Variants in NELL1 observed in about 807,000 individuals in gnomAD.
NELL1 encodes the protein protein kinase C-binding protein NELL1.
A neutral mutation model predicts 107.4 loss-of-function variants in NELL1; 76 were observed. The ratio of observed to expected loss-of-function variants is 0.71; its 90% CI spans 0.59 to 0.86. NELL1 has a LOEUF of 0.86. NELL1 is among the 40% of genes least tolerant of loss of function. The pLI, the probability that NELL1 is intolerant of heterozygous loss-of-function variation, is 0.00. For synonymous variants in NELL1, 353 were observed against 341.2 expected, an observed-to-expected ratio of 1.03 and a Z score of -0.38; for missense variants, 1,024 against 1,005.5, an observed-to-expected ratio of 1.02 and a Z score of -0.25.
intron 11 of NELL1, among the ~76,000 whole-genome samples, chr11:20,958,909 G>C (rs1041426541): frequency 4.6e-5 from 7 of 152,122 alleles, no homozygotes; most frequent in Admixed American, 2.6e-4. Context: ...TTGTGGGTTC[G>C]GTTCCAGACT....
chr11:20,735,447 G>A (rs575576897), intron 2 of NELL1, among the ~76,000 whole-genome samples: 4 of 152,168 alleles, frequency 2.6e-5, no homozygotes, highest in Admixed American at 1.3e-4. Flanking sequence ...AGGGGAAAAA[G>A]CCCCTTATAA....
chr11:20,921,798 GTT>G (rs754194719), intron 7 of NELL1, among the ~76,000 whole-genome samples: 34 of 145,562 alleles, frequency 2.3e-4, no homozygotes, highest in African/African-American at 8.6e-4. Context: ...TATTGTGTGT[GTT>G]TTTTTTTTTT....
intron 2 of NELL1, among the ~76,000 whole-genome samples, chr11:20,779,502 C>G (rs893243980): frequency 3.0e-4 from 45 of 152,134 alleles, no homozygotes; most frequent in Admixed American, 2.9e-3. Context: ...TTAAGTAATA[C>G]AGCAAATACA....
At chr11:21,534,159 C>T (rs1020318688) in intron 15 of NELL1, among the ~76,000 whole-genome samples, 3 of 152,160 alleles carry the variant, frequency 2.0e-5, no homozygotes, top group Admixed American at 6.5e-5. Flanking sequence ...AGCTCTCATT[C>T]ATTGTTCAAT....
intron 13 of NELL1, among the ~76,000 whole-genome samples, chr11:21,180,862 T>C (rs910156347): frequency 8.7e-5 from 13 of 148,760 alleles, no homozygotes; most frequent in Non-Finnish European, 1.5e-4. Context: ...TTCCTTAATA[T>C]CTTGTTTCAA....
intron 15 of NELL1, among the ~76,000 whole-genome samples, chr11:21,488,041 T>C (rs1454279361): frequency 6.6e-6 from 1 of 152,070 alleles, no homozygotes; most frequent in Admixed American, 6.5e-5. Context: ...AAGCAAATAT[T>C]ACTAGATCTA....
At chr11:21,226,027 C>T (rs897936039) in intron 13 of NELL1, among the ~76,000 whole-genome samples, 3 of 152,188 alleles carry the variant, frequency 2.0e-5, no homozygotes, top group Admixed American at 6.5e-5. Flanking sequence ...CTCTTAACCT[C>T]TATGCCAGTC....
chr11:21,053,157 C>T (rs748952054), intron 12 of NELL1, among the ~76,000 whole-genome samples: 5 of 151,964 alleles, frequency 3.3e-5, no homozygotes, highest in Non-Finnish European at 5.9e-5. Context: ...TTCTGGGATA[C>T]GTGTACAGAA....
chr11:21,570,971 C>T (rs750375822), intron 18 of NELL1, 31 bp downstream of exon 18: 1 of 1,591,784 alleles, frequency 6.3e-7, no homozygotes, highest in African/African-American at 1.3e-5. Flanking sequence ...AGGTGTTGAG[C>T]CTTTACTCTG....
At chr11:20,704,515 A>G (rs1764392040) in intron 2 of NELL1, among the ~76,000 whole-genome samples, 1 of 152,160 alleles carries the variant, frequency 6.6e-6, no homozygotes, top group South Asian at 2.1e-4. Flanking sequence ...TTTAAGGTCA[A>G]TATTAGTATG....
At chr11:21,243,564 T>G (rs1227753057) in intron 14 of NELL1, among the ~76,000 whole-genome samples, 1 of 152,138 alleles carries the variant, frequency 6.6e-6, no homozygotes, top group African/African-American at 2.4e-5. Context: ...TCGCTGTATC[T>G]TTACCAAAAC....
chr11:21,396,563 TAC>T (rs1486747690), intron 15 of NELL1, among the ~76,000 whole-genome samples: 4 of 151,600 alleles, frequency 2.6e-5, no homozygotes, highest in African/African-American at 4.8e-5. Context: ...ACTTGCCAAG[TAC>T]AAAGATAATT....
chr11:21,144,799 C>T (rs1855942026), intron 13 of NELL1, among the ~76,000 whole-genome samples: 1 of 151,998 alleles, frequency 6.6e-6, no homozygotes, highest in South Asian at 2.1e-4. Context: ...AATTGGAGAT[C>T]CAGGGAGAGA....
intron 14 of NELL1, among the ~76,000 whole-genome samples, chr11:21,311,957 A>T (rs556927439): frequency 6.6e-6 from 1 of 152,234 alleles, no homozygotes; most frequent in African/African-American, 2.4e-5. Flanking sequence ...CAACAGTGGG[A>T]TTAGTGCCTT....
intron 14 of NELL1, among the ~76,000 whole-genome samples, chr11:21,326,197 T>G (rs2133677280): frequency 6.6e-6 from 1 of 151,494 alleles, no homozygotes; most frequent in East Asian, 1.9e-4. Context: ...CCTTGTTCCT[T>G]TTGTTACTCA....
intron 12 of NELL1, among the ~76,000 whole-genome samples, chr11:20,978,847 A>T (rs931496174): frequency 6.6e-6 from 1 of 151,984 alleles, no homozygotes; most frequent in African/African-American, 2.4e-5. Context: ...CTCCCACGTT[A>T]CTGCTCTAGG....
chr11:21,002,559 A>C (rs898513242), intron 12 of NELL1, among the ~76,000 whole-genome samples: 1 of 152,188 alleles, frequency 6.6e-6, no homozygotes, highest in Non-Finnish European at 1.5e-5. Context: ...GGACTTCCTC[A>C]GCCAGAAAAG....
intron 12 of NELL1, among the ~76,000 whole-genome samples, chr11:21,017,120 G>A (rs1447307837): frequency 6.6e-6 from 1 of 152,020 alleles, no homozygotes; most frequent in African/African-American, 2.4e-5. Context: ...CACTTTCCCA[G>A]CATTTCTTTC....
At chr11:20,943,117 G>C (rs575003248) in intron 10 of NELL1, among the ~76,000 whole-genome samples, 95 of 151,684 alleles carry the variant, frequency 6.3e-4, no homozygotes, top group African/African-American at 2.2e-3. Flanking sequence ...TCTTGCACAG[G>C]TAGTGTGTGT....
Sources: allele counts gnomAD v4.1 joint callset (sites outside exome capture counted in the v4.1 genomes callset), GRCh38; gene constraint gnomAD v4.1.1; transcripts MANE v1.5; gene names NCBI Gene and HGNC (gene_info 2026-07-23, HGNC 2026-07-21).